Variants in MAP4K3 observed in about 807,000 individuals in gnomAD.
MAP4K3 encodes the protein mitogen-activated protein kinase kinase kinase kinase 3.
A neutral mutation model predicts 143.5 loss-of-function variants in MAP4K3; 94 were observed. The observed-to-expected ratio is 0.65, with a 90% CI of 0.55 to 0.78. The LOEUF (loss-of-function observed/expected upper bound fraction) is 0.78, where lower values mean the gene tolerates loss of function less well. Among genes scored for constraint, MAP4K3 ranks in the 30% least tolerant of loss-of-function variants. The pLI, the probability that MAP4K3 is intolerant of heterozygous loss-of-function variation, is 0.00. For synonymous variants in MAP4K3, 416 were observed against 347.2 expected (o/e 1.20, Z -2.20); for missense variants, 1,077 against 1,068.1 (o/e 1.01, Z -0.12).
chr2:39,407,222 T>C (rs537763875), intron 1 of MAP4K3, among the ~76,000 whole-genome samples: 5 of 151,844 alleles, frequency 3.3e-5, no homozygotes, highest in African/African-American at 1.2e-4. Context: ...TGTGCCAATA[T>C]AGCAAATAGC....
intron 1 of MAP4K3, among the ~76,000 whole-genome samples, chr2:39,409,808 C>T (rs181852287): frequency 2.0e-5 from 3 of 152,238 alleles, no homozygotes; most frequent in Admixed American, 1.3e-4. Context: ...GTATAAATGC[C>T]TATTTACCTA....
intron 26 of MAP4K3, among the ~76,000 whole-genome samples, chr2:39,269,551 C>A (rs937276308): frequency 6.9e-6 from 1 of 145,060 alleles, no homozygotes; most frequent in Non-Finnish European, 1.5e-5. Context: ...CTTGGGTCAC[C>A]GCAACCTCTG....
At chr2:39,271,945 T>A (rs754445908) in intron 26 of MAP4K3, 2 of 174,632 alleles carry the variant, frequency 1.1e-5, no homozygotes, top group Non-Finnish European at 2.4e-5. Flanking sequence ...GTATAGAAAC[T>A]TTGAGAAAAA....
intron 1 of MAP4K3, among the ~76,000 whole-genome samples, chr2:39,428,051 C>G (rs1665151336): frequency 6.6e-6 from 1 of 152,146 alleles, no homozygotes; most frequent in Non-Finnish European, 1.5e-5. Flanking sequence ...TTCAGGAAGT[C>G]AACTTATTTT....
In MAP4K3 at chr2:39,309,374, GC is replaced by G. The variant is rs368477528; in HGVS notation, c.1056+86del. On this transcript the variant is annotated intron_variant, in intron 14 of 33. Transcript: ENST00000263881. Reference sequence around the variant, plus strand: ...ATGTTTTTGAAAATATTAATGACTAGCTTTTTTGGTCAGTACTAATACATCA... The same window carrying G: ...ATGTTTTTGAAAATATTAATGACTAGTTTTTTGGTCAGTACTAATACATCA... The G allele has an allele frequency of 1.1e-4, 105 of 934,674 alleles. 1 individual carries two copies. In the East Asian group the frequency reaches 2.2e-3, roughly 20 times the overall value. 57.9% of individuals were successfully genotyped at this position (934,674 alleles called of 1,614,324 possible).
chr2:39,305,241 C>A (rs1682660622), intron 15 of MAP4K3, among the ~76,000 whole-genome samples: 1 of 151,862 alleles, frequency 6.6e-6, no homozygotes, highest in South Asian at 2.1e-4. Flanking sequence ...GTAAAAAAAA[C>A]AAAAACAAAA....
intron 1 of MAP4K3, among the ~76,000 whole-genome samples, chr2:39,395,396 A>G: frequency 6.6e-6 from 1 of 152,148 alleles, no homozygotes; most frequent in South Asian, 2.1e-4. Flanking sequence ...CTACACAGCA[A>G]GTATTAATAA....
At chr2:39,318,070 A>G (rs1683178557) in intron 12 of MAP4K3, among the ~76,000 whole-genome samples, 2 of 152,160 alleles carry the variant, frequency 1.3e-5, no homozygotes, top group Admixed American at 6.6e-5. Flanking sequence ...CAGCCATAAA[A>G]AAGAACGAGA....
At chr2:39,333,348 C>T (rs546416550) in intron 7 of MAP4K3, among the ~76,000 whole-genome samples, 184 bp downstream of exon 7, 1 of 152,084 alleles carries the variant, frequency 6.6e-6, no homozygotes, top group South Asian at 2.1e-4. Flanking sequence ...ATGTGAAGGA[C>T]AGACTTTATC....
intron 3 of MAP4K3, among the ~76,000 whole-genome samples, chr2:39,349,977 C>A (rs917624531): frequency 6.6e-6 from 1 of 152,112 alleles, no homozygotes; most frequent in Non-Finnish European, 1.5e-5. Context: ...TAGTTCTTAA[C>A]TGGGAGTGAC....
At chr2:39,362,120 G>C (rs1460980965) in intron 2 of MAP4K3, among the ~76,000 whole-genome samples, 1 of 151,868 alleles carries the variant, frequency 6.6e-6, no homozygotes, top group Non-Finnish European at 1.5e-5. Flanking sequence ...AAATAAACAT[G>C]AAGGAACAGT....
chr2:39,307,766 G>GAT (rs1266783051), intron 15 of MAP4K3, among the ~76,000 whole-genome samples, 177 bp downstream of exon 15: 2 of 151,848 alleles, frequency 1.3e-5, no homozygotes, highest in African/African-American at 4.8e-5. Context: ...TATTTGAGTA[G>GAT]ATATATATAT....
Position 39,383,666 on chromosome 2 carries a change from A to G in MAP4K3, c.97-5543T>C, listed in dbSNP as rs1258767385. 2.0e-5 allele frequency among the ~76,000 whole-genome samples: 3 copies of G among 152,068 alleles called. No homozygotes were observed. In the East Asian group the frequency reaches 5.8e-4, roughly 29 times the overall value. Reference sequence around the variant, plus strand: ...AATAAGAGTGCCTGTGTTCACTCTTAAACAACTGAACATTTATTAAATTTG... The same window carrying G: ...AATAAGAGTGCCTGTGTTCACTCTTGAACAACTGAACATTTATTAAATTTG... On this transcript the variant is annotated intron_variant, in intron 1 of 33. Transcript: ENST00000263881.
At chr2:39,262,552 A>C (rs1030438120) in intron 28 of MAP4K3, among the ~76,000 whole-genome samples, 1 of 152,168 alleles carries the variant, frequency 6.6e-6, no homozygotes, top group African/African-American at 2.4e-5. Context: ...TAAACACAGA[A>C]ACAACGCTTT....
At chr2:39,434,193 G>C (rs1434344783) in intron 1 of MAP4K3, among the ~76,000 whole-genome samples, 1 of 152,090 alleles carries the variant, frequency 6.6e-6, no homozygotes, top group African/African-American at 2.4e-5. Flanking sequence ...GACAAATTAA[G>C]GAACAAATTA....
At position 39,250,671 on chromosome 2, in the gene MAP4K3, G is replaced by A. The variant is rs932853814; in HGVS notation, c.2632C>T (p.Pro878Ser). 6.2e-7 allele frequency: 1 copy of A among 1,613,546 alleles called. No homozygotes were observed. The highest frequency in any genetic ancestry group is 2.2e-5 in the East Asian group (1 of 44,856). Residue 878 changes from proline to serine, a missense_variant, in exon 34 of 34, where the codon CCC becomes TCC. Transcript: ENST00000263881. The part of the protein sequence containing the change: ...VVLESRPTDN[P>S]TANSNLYILA... ...ATGTACAAATTGCTATTTGCTGTGG[G>A]GTTATCAGTTGGCCTACTTTCCAAA...
chr2:39,349,385 G>A (rs529951693), intron 3 of MAP4K3, among the ~76,000 whole-genome samples: 2 of 152,084 alleles, frequency 1.3e-5, no homozygotes, highest in Admixed American at 1.3e-4. Context: ...TACTCAGGGG[G>A]ATACAAGCTG....
At chr2:39,353,770 A>G (rs1334998588) in intron 3 of MAP4K3, among the ~76,000 whole-genome samples, 1 of 152,214 alleles carries the variant, frequency 6.6e-6, no homozygotes, top group African/African-American at 2.4e-5. Flanking sequence ...CAGCAGCAAT[A>G]GTAGTAGTAG....
At chr2:39,326,447 C>T (rs1466655659) in intron 8 of MAP4K3, among the ~76,000 whole-genome samples, 170 bp from the exon 9 acceptor site, 2 of 152,092 alleles carry the variant, frequency 1.3e-5, no homozygotes, top group Non-Finnish European at 2.9e-5. Context: ...AAGATCTTGA[C>T]ATCTCATAAG....
Sources: allele counts gnomAD v4.1 joint callset (sites outside exome capture counted in the v4.1 genomes callset), GRCh38; gene constraint gnomAD v4.1.1; transcripts MANE v1.5; gene names NCBI Gene and HGNC (gene_info 2026-07-23, HGNC 2026-07-21).